Variants in DPP10 observed in about 807,000 individuals in gnomAD.
DPP10 encodes inactive dipeptidyl peptidase 10.
DPP10 carries 33 observed loss-of-function variants against 120.9 expected under a neutral mutation model. That is an observed-to-expected ratio of 0.27 (90% CI 0.21 to 0.37). The LOEUF (loss-of-function observed/expected upper bound fraction) is 0.37. Among genes scored for constraint, DPP10 ranks in the 10% least tolerant of loss-of-function variants. The probability of loss-of-function intolerance (pLI) is 1.00; values close to 1 mark genes in which losing one functional copy is unlikely to be tolerated. For missense variants in DPP10, 816 were observed against 942.8 expected (o/e 0.87, Z 1.76); for synonymous variants, 337 against 326.1 (o/e 1.03, Z -0.36).
intron 3 of DPP10, among the ~76,000 whole-genome samples, chr2:115,481,505 T>A (rs1454867259): frequency 6.6e-6 from 1 of 152,144 alleles, no homozygotes; most frequent in Non-Finnish European, 1.5e-5. Flanking sequence ...GGAGTTTTAG[T>A]TGCTGATTCT....
chr2:115,484,351 A>G (rs538244485), intron 3 of DPP10, among the ~76,000 whole-genome samples: 1 of 152,024 alleles, frequency 6.6e-6, no homozygotes, highest in Non-Finnish European at 1.5e-5. Flanking sequence ...CACTTAGCCA[A>G]CTTTGATCAT....
intron 11 of DPP10, among the ~76,000 whole-genome samples, chr2:115,759,219 CAT>C (rs939536556): frequency 2.6e-5 from 4 of 151,816 alleles, no homozygotes; most frequent in African/African-American, 7.3e-5. Flanking sequence ...AACATCAAAA[CAT>C]GTGAACAGTT....
chr2:115,544,739 A>C (rs1323926457), intron 5 of DPP10, among the ~76,000 whole-genome samples: 2 of 152,064 alleles, frequency 1.3e-5, no homozygotes, highest in Non-Finnish European at 2.9e-5. Flanking sequence ...GCATTCAAGC[A>C]TATCCTCCTG....
intron 5 of DPP10, among the ~76,000 whole-genome samples, chr2:115,570,777 G>A (rs867249534): frequency 1.4e-4 from 21 of 152,156 alleles, no homozygotes; most frequent in African/African-American, 5.1e-4. Context: ...TTAAGTGTTT[G>A]CATAATGGAA....
chr2:115,187,443 A>G (rs556998239), intron 1 of DPP10, among the ~76,000 whole-genome samples: 11 of 152,310 alleles, frequency 7.2e-5, no homozygotes, highest in Middle Eastern at 3.4e-3. Flanking sequence ...TTTCATACAT[A>G]CTAAATCTTG....
intron 1 of DPP10, among the ~76,000 whole-genome samples, chr2:115,264,759 C>T (rs914478708): frequency 2.0e-5 from 3 of 152,114 alleles, no homozygotes; most frequent in Non-Finnish European, 4.4e-5. Flanking sequence ...AAAGATGATG[C>T]TGTTTCAGTT....
intron 3 of DPP10, among the ~76,000 whole-genome samples, chr2:115,415,561 G>T (rs1435892921): frequency 7.9e-5 from 12 of 152,156 alleles, no homozygotes; most frequent in Admixed American, 2.6e-4. Flanking sequence ...ATACGGGAAA[G>T]CTTGCCAAGT....
At chr2:115,157,079 A>T (rs1300254871) in intron 1 of DPP10, among the ~76,000 whole-genome samples, 1 of 152,100 alleles carries the variant, frequency 6.6e-6, no homozygotes, top group African/African-American at 2.4e-5. Context: ...ACAGCAGGTA[A>T]ATTTCTCACG....
At chr2:114,625,393 T>A (rs1345384146) in intron 1 of DPP10, among the ~76,000 whole-genome samples, 1 of 151,976 alleles carries the variant, frequency 6.6e-6, no homozygotes, top group Non-Finnish European at 1.5e-5. Flanking sequence ...TTGCTGTGTA[T>A]GTTTATCAGG....
intron 1 of DPP10, among the ~76,000 whole-genome samples, chr2:114,858,929 T>G (rs903797062): frequency 6.6e-6 from 1 of 152,174 alleles, no homozygotes; most frequent in Admixed American, 6.5e-5. Context: ...TCTCCCCACA[T>G]GGAGTCTATC....
chr2:114,581,296 G>A (rs1481397147), intron 1 of DPP10, among the ~76,000 whole-genome samples: 3 of 143,998 alleles, frequency 2.1e-5, no homozygotes, highest in East Asian at 4.3e-4. Flanking sequence ...CCATTCTCCT[G>A]CCTCAGCCTC....
At chr2:115,633,437 G>A (rs1370058659) in intron 5 of DPP10, among the ~76,000 whole-genome samples, 9 of 152,092 alleles carry the variant, frequency 5.9e-5, no homozygotes, top group Non-Finnish European at 1.0e-4. Flanking sequence ...GTTGTGGGGT[G>A]GGGGTAAGGG....
intron 1 of DPP10, among the ~76,000 whole-genome samples, chr2:114,964,375 G>A (rs971954085): frequency 6.6e-5 from 10 of 151,978 alleles, no homozygotes; most frequent in Non-Finnish European, 1.3e-4. Context: ...CTGGAGAAAC[G>A]TAAAACGAAA....
chr2:114,951,842 A>G (rs1221125604), intron 1 of DPP10, among the ~76,000 whole-genome samples: 1 of 152,076 alleles, frequency 6.6e-6, no homozygotes, highest in Non-Finnish European at 1.5e-5. Flanking sequence ...GACAACAAAA[A>G]GCATATCTGG....
At chr2:114,951,334 G>A (rs952135277) in intron 1 of DPP10, among the ~76,000 whole-genome samples, 10 of 152,088 alleles carry the variant, frequency 6.6e-5, no homozygotes, top group Non-Finnish European at 1.0e-4. Context: ...TTTGGTTCTT[G>A]TACAAGGAAT....
At chr2:115,187,450 C>A (rs1231960951) in intron 1 of DPP10, among the ~76,000 whole-genome samples, 1 of 152,168 alleles carries the variant, frequency 6.6e-6, no homozygotes, top group Non-Finnish European at 1.5e-5. Flanking sequence ...CATACTAAAT[C>A]TTGAAGCAGA....
At chr2:115,104,687 G>C (rs2048861663) in intron 1 of DPP10, among the ~76,000 whole-genome samples, 1 of 152,016 alleles carries the variant, frequency 6.6e-6, no homozygotes, top group Admixed American at 6.6e-5. Context: ...AAATTTACTT[G>C]ATCTTCTCTT....
At chr2:114,991,012 T>C (rs566625272) in intron 1 of DPP10, among the ~76,000 whole-genome samples, 1 of 152,206 alleles carries the variant, frequency 6.6e-6, no homozygotes, top group Non-Finnish European at 1.5e-5. Context: ...TTTTTGTACA[T>C]TGAAGAACAT....
chr2:115,782,262 T>G (rs1682852934), intron 16 of DPP10, 90 bp from the exon 17 acceptor site: 9 of 1,128,906 alleles, frequency 8.0e-6, no homozygotes, highest in Non-Finnish European at 1.0e-5. Flanking sequence ...AGTGCTTCCA[T>G]TTGGGGGGAA....
Sources: gnomAD v4.1 joint callset for allele counts (sites outside exome capture counted in the v4.1 genomes callset) on GRCh38, gnomAD v4.1.1 for gene constraint, MANE v1.5 for transcripts, NCBI Gene and HGNC (gene_info 2026-07-23, HGNC 2026-07-21) for gene names.